The following GRM1 variants were observed in gnomAD, a reference collection of about 807,000 sequenced individuals.
GRM1 encodes the protein glutamate metabotropic receptor 1, also known as metabotropic glutamate receptor 1.
Under a neutral mutation model 90.9 loss-of-function variants are expected in GRM1, and 33 were observed. The observed-to-expected ratio is 0.36, with a 90% CI of 0.28 to 0.49. The LOEUF (loss-of-function observed/expected upper bound fraction) is 0.49. Ranked by LOEUF, GRM1 falls within the 20% of genes least tolerant of loss-of-function variation. The pLI is 0.99. For synonymous variants in GRM1, 700 were observed against 613.2 expected (o/e 1.14, Z -2.09); for missense variants, 1,190 against 1,534.3 (o/e 0.78, Z 3.75).
At chr6:146,149,492 A>G (rs1777237339) in intron 1 of GRM1, among the ~76,000 whole-genome samples, 1 of 152,202 alleles carries the variant, frequency 6.6e-6, no homozygotes. Context: ...TGGGAAATTT[A>G]AAGTTATTAT....
At chr6:146,216,677 G>A (rs1779882875) in intron 2 of GRM1, among the ~76,000 whole-genome samples, 2 of 152,228 alleles carry the variant, frequency 1.3e-5, no homozygotes, top group African/African-American at 4.8e-5. Context: ...TAGCATGGAA[G>A]AGTCCTGTTC....
chr6:146,073,266 T>C (rs1776074417), intron 1 of GRM1, among the ~76,000 whole-genome samples: 1 of 152,114 alleles, frequency 6.6e-6, no homozygotes, highest in Admixed American at 6.6e-5. Context: ...TTTGTTGTCT[T>C]TGTTGGCTAG....
chr6:146,385,174 CAAAG>C (rs1418459585), intron 5 of GRM1, among the ~76,000 whole-genome samples: 1 of 151,874 alleles, frequency 6.6e-6, no homozygotes, highest in East Asian at 1.9e-4. Flanking sequence ...AGGATAAACA[CAAAG>C]AAGTCATTAC....
chr6:146,425,510 T>A (rs1366425514), intron 7 of GRM1, among the ~76,000 whole-genome samples: 1 of 140,236 alleles, frequency 7.1e-6, no homozygotes. Context: ...TTGGTCCTCT[T>A]CCAGGTTACC....
chr6:146,090,915 C>T (rs1198274210), intron 1 of GRM1, among the ~76,000 whole-genome samples: 1 of 151,996 alleles, frequency 6.6e-6, no homozygotes, highest in Non-Finnish European at 1.5e-5. Flanking sequence ...TTCCTCTTCA[C>T]CTCCTGAGTT....
chr6:146,265,760 C>T (rs1472786358), intron 2 of GRM1, among the ~76,000 whole-genome samples: 1 of 152,104 alleles, frequency 6.6e-6, no homozygotes, highest in East Asian at 1.9e-4. Flanking sequence ...CCAATTTTCC[C>T]AGCACCATTT....
chr6:146,165,638 G>A (rs1365069090), intron 2 of GRM1, among the ~76,000 whole-genome samples: 2 of 152,104 alleles, frequency 1.3e-5, no homozygotes, highest in Non-Finnish European at 2.9e-5. Context: ...CTGCAGACAG[G>A]CTATACTTTT....
intron 1 of GRM1, among the ~76,000 whole-genome samples, chr6:146,150,931 T>TGCGCGCGCACACACACAC (rs940930561): frequency 7.9e-5 from 2 of 25,296 alleles, no homozygotes; most frequent in Non-Finnish European, 1.5e-4. Context: ...CACACACGCG[T>TGCGCGCGCACACACACAC]GTGCGCGCAC....
intron 2 of GRM1, among the ~76,000 whole-genome samples, chr6:146,215,398 G>T (rs11963936): frequency 9.4e-4 from 142 of 151,474 alleles, no homozygotes; most frequent in African/African-American, 3.2e-3. Context: ...ACCACTCTCT[G>T]TTTTCTTTCT....
intron 2 of GRM1, among the ~76,000 whole-genome samples, chr6:146,270,382 G>A (rs1305161123): frequency 6.6e-6 from 1 of 152,100 alleles, no homozygotes; most frequent in Non-Finnish European, 1.5e-5. Context: ...AACTTCTTCT[G>A]CCTCAGACAG....
chr6:146,156,533 G>A (rs1294245595), intron 1 of GRM1, among the ~76,000 whole-genome samples: 1 of 152,208 alleles, frequency 6.6e-6, no homozygotes, highest in Non-Finnish European at 1.5e-5. Flanking sequence ...TTGCCTGGAG[G>A]TGGGGTTAAC....
intron 3 of GRM1, among the ~76,000 whole-genome samples, chr6:146,340,998 C>T (rs1040984668): frequency 6.6e-6 from 1 of 152,174 alleles, no homozygotes; most frequent in Non-Finnish European, 1.5e-5. Flanking sequence ...GTATTTAACC[C>T]AAAGCATGTG....
At chr6:146,037,787 G>A (rs1790945077) in intron 1 of GRM1, among the ~76,000 whole-genome samples, 1 of 151,920 alleles carries the variant, frequency 6.6e-6, no homozygotes, top group African/African-American at 2.4e-5. Flanking sequence ...CTGGTACCCT[G>A]GCCTTGCCAA....
chr6:146,378,276 C>T (rs1776186574), intron 5 of GRM1, among the ~76,000 whole-genome samples: 1 of 152,164 alleles, frequency 6.6e-6, no homozygotes, highest in Non-Finnish European at 1.5e-5. Context: ...GGCCACCATC[C>T]TCCAGACCCC....
chr6:146,169,477 C>T (rs144739436), intron 2 of GRM1, among the ~76,000 whole-genome samples: 148 of 152,226 alleles, frequency 9.7e-4, no homozygotes, highest in African/African-American at 3.2e-3. Context: ...GTCTTTCTCC[C>T]GCCTTAGATA....
intron 1 of GRM1, among the ~76,000 whole-genome samples, chr6:146,131,194 G>A (rs1278127481): frequency 1.3e-5 from 2 of 152,166 alleles, no homozygotes; most frequent in Non-Finnish European, 1.5e-5. Context: ...CATTGATTAT[G>A]TCATTGAGCA....
At chr6:146,330,277 C>A (rs1026146020) in intron 3 of GRM1, among the ~76,000 whole-genome samples, 1 of 152,050 alleles carries the variant, frequency 6.6e-6, no homozygotes, top group Non-Finnish European at 1.5e-5. Context: ...GTCTTAGATA[C>A]AATTATTTGA....
intron 2 of GRM1, among the ~76,000 whole-genome samples, chr6:146,254,872 G>A (rs1273793328): frequency 1.3e-5 from 2 of 152,130 alleles, no homozygotes; most frequent in Non-Finnish European, 2.9e-5. Flanking sequence ...TAAAATCACA[G>A]TCAGTGACTG....
chr6:146,413,697 GA>G (rs1777654718), intron 7 of GRM1, among the ~76,000 whole-genome samples: 1 of 152,106 alleles, frequency 6.6e-6, no homozygotes, highest in Non-Finnish European at 1.5e-5. Flanking sequence ...CCTCACTCTA[GA>G]AAGTTTCCTA....
Sources: allele counts gnomAD v4.1 joint callset (sites outside exome capture counted in the v4.1 genomes callset), GRCh38; gene constraint gnomAD v4.1.1; transcripts MANE v1.5; gene names NCBI Gene and HGNC (gene_info 2026-07-23, HGNC 2026-07-21).